The following PCNX2 variants were observed in gnomAD, a reference collection of about 807,000 sequenced individuals.
PCNX2 encodes pecanex-like protein 2.
Under a neutral mutation model 223.8 loss-of-function variants are expected in PCNX2, and 168 were observed. That is an observed-to-expected ratio of 0.75 (90% CI 0.66 to 0.85). The LOEUF (loss-of-function observed/expected upper bound fraction) is 0.85. PCNX2 is among the 40% of genes least tolerant of loss of function. PCNX2 has a pLI of 0.00. For synonymous variants in PCNX2, 1,006 were observed against 1,052.6 expected, an observed-to-expected ratio of 0.96 and a Z score of 0.86; for missense variants, 2,507 against 2,675.5, an observed-to-expected ratio of 0.94 and a Z score of 1.39.
chr1:233,185,755 T>A (rs1680061460), intron 15 of PCNX2, among the ~76,000 whole-genome samples: 1 of 152,232 alleles, frequency 6.6e-6, no homozygotes, highest in Non-Finnish European at 1.5e-5. Context: ...AAATGGTCTG[T>A]TGCCCACAGA....
intron 21 of PCNX2, among the ~76,000 whole-genome samples, chr1:233,106,964 T>C (rs1320179651): frequency 6.6e-6 from 1 of 152,130 alleles, no homozygotes; most frequent in Non-Finnish European, 1.5e-5. Flanking sequence ...ACTGAAGCTT[T>C]CTCTTGTAAA....
rs968147472 is a variant in PCNX2 at position 233,139,019 on chromosome 1, T to C, written c.3659+695A>G. 2.0e-5 allele frequency among the ~76,000 whole-genome samples: 3 copies of C among 152,244 alleles called. No homozygotes were observed. Among genetic ancestry groups the C allele is most frequent in the Non-Finnish European group, 4.4e-5 (3 of 68,048 alleles). Reference sequence around the variant, plus strand: ...CATAGTGTTTAAGCAACGTGACTAATGAGCAAATCTGGGAAAGAATCTCTT... The same window carrying C: ...CATAGTGTTTAAGCAACGTGACTAACGAGCAAATCTGGGAAAGAATCTCTT... On this transcript the variant is annotated intron_variant, in intron 20 of 33. Transcript: ENST00000258229. This position sits in a 1 kb window ranked among gnomAD's most constrained non-coding sequence, Gnocchi z 4.4.
chr1:233,092,395 A>G (rs930391002), intron 22 of PCNX2, among the ~76,000 whole-genome samples: 1 of 152,228 alleles, frequency 6.6e-6, no homozygotes, highest in African/African-American at 2.4e-5. Flanking sequence ...TTTTGATTCT[A>G]AAATTTCCCC....
chr1:233,112,723 T>TCATTA, intron 21 of PCNX2: 1 of 825,692 alleles, frequency 1.2e-6, no homozygotes, highest in South Asian at 2.1e-5. Context: ...ACAATATAAC[T>TCATTA]AAATTCACAT....
At chr1:232,985,863 C>G (rs1669454843) in intron 33 of PCNX2, 1 of 616,998 alleles carries the variant, frequency 1.6e-6, no homozygotes, top group Non-Finnish European at 2.9e-6. Context: ...TCAGTGCCTG[C>G]CTGGGCATTA....
chr1:233,161,369 A>G lies in PCNX2; in HGVS notation c.3274-6T>C, dbSNP rs770566343. 4.2e-5 allele frequency: 67 copies of G among 1,613,124 alleles called. No homozygotes were observed. The highest frequency in any genetic ancestry group is 8.5e-6 in the Non-Finnish European group (10 of 1,179,450). On this transcript the variant is annotated splice_region_variant and splice_polypyrimidine_tract_variant and intron_variant, in intron 17 of 33. Transcript: ENST00000258229. Reference sequence around the variant, plus strand: ...TCCCATTTTAAGACATCCGTCTGGAAAGAGAAAACCAGCGGTAAAGGCGAC... The same window carrying G: ...TCCCATTTTAAGACATCCGTCTGGAGAGAGAAAACCAGCGGTAAAGGCGAC...
At chr1:233,255,402 C>T (rs1659681169) in intron 5 of PCNX2, among the ~76,000 whole-genome samples, 1 of 152,188 alleles carries the variant, frequency 6.6e-6, no homozygotes, top group African/African-American at 2.4e-5. Flanking sequence ...AAAGCTTTCT[C>T]ATTCAAGTTG....
In PCNX2 at chr1:233,031,288, C is replaced by T. The variant is rs372776767; in HGVS notation, c.4352-5889G>A. Among the ~76,000 whole-genome samples the T allele has an allele frequency of 1.5e-4, 23 of 152,298 alleles. No homozygotes were observed. In the South Asian group the frequency reaches 3.9e-3, roughly 26 times the overall value. On this transcript the variant is annotated intron_variant, in intron 25 of 33. Transcript: ENST00000258229. ...TTGGAGCCTTAATTAAAACACAAAA[C>T]ATTTCGCTTCACCCACTCCCACCCC...
At chr1:233,261,205 C>T in intron 4 of PCNX2, 80 bp downstream of exon 4, 2 of 1,284,902 alleles carry the variant, frequency 1.6e-6, no homozygotes, top group Non-Finnish European at 2.3e-6. Context: ...AATTAATCCA[C>T]TGGCATTCTG....
chr1:233,197,318 G>A (rs1444654631), intron 15 of PCNX2, among the ~76,000 whole-genome samples: 1 of 152,056 alleles, frequency 6.6e-6, no homozygotes, highest in African/African-American at 2.4e-5. Flanking sequence ...ATATACTAAG[G>A]TGCCTGCAGA....
At chr1:233,038,058 G>C (rs1027868797) in intron 25 of PCNX2, among the ~76,000 whole-genome samples, 2 of 152,146 alleles carry the variant, frequency 1.3e-5, no homozygotes, top group South Asian at 2.1e-4. Flanking sequence ...GGAAGGGTCT[G>C]GTCTTTTGAA....
At chr1:233,118,027 T>G (rs67820234) in intron 21 of PCNX2, among the ~76,000 whole-genome samples, 22,007 of 148,546 alleles carry the variant, frequency 0.15, 1,820 homozygotes, top group East Asian at 0.25. Flanking sequence ...AAAAAAAGAA[T>G]AATTATAGAC....
Position 233,108,048 on chromosome 1 carries a change from C to CT in PCNX2, c.3838-12186_3838-12185insA, listed in dbSNP as rs377081578. Among the ~76,000 whole-genome samples, 344 of 152,314 alleles carry CT rather than the reference C, an allele frequency of 2.3e-3. 1 individual carries two copies. The highest frequency in any genetic ancestry group is 7.9e-3 in the African/African-American group (327 of 41,572). ...ATGCCATGGCAACGTCAGGAAGTTACCCTATATGGTCTAAAAAGGGGAGAC... is the reference window on the plus strand; with the variant it reads ...ATGCCATGGCAACGTCAGGAAGTTACTCCTATATGGTCTAAAAAGGGGAGAC... On this transcript the variant is annotated intron_variant, in intron 21 of 33. Transcript: ENST00000258229.
At position 233,237,217 on chromosome 1, in the gene PCNX2, T is replaced by C. The variant is rs924873340; in HGVS notation, c.2223-237A>G. Among the ~76,000 whole-genome samples the C allele has an allele frequency of 3.3e-5, 5 of 152,184 alleles. 1 individual carries two copies. The highest frequency in any genetic ancestry group is 3.8e-4 in the East Asian group (2 of 5,198). Reference sequence around the variant, plus strand: ...GGCTACCCAGGGTTGCAGTGTGTCATAGGGCAGGTAGGTAGATGCCTGGTG... The same window carrying C: ...GGCTACCCAGGGTTGCAGTGTGTCACAGGGCAGGTAGGTAGATGCCTGGTG... On this transcript the variant is annotated intron_variant, in intron 8 of 33. Coordinates refer to ENST00000258229, the MANE Select transcript of PCNX2 (RefSeq NM_014801.4).
At chr1:233,048,454 T>A (rs1396159607) in intron 25 of PCNX2, among the ~76,000 whole-genome samples, 1 of 152,216 alleles carries the variant, frequency 6.6e-6, no homozygotes, top group Non-Finnish European at 1.5e-5. Flanking sequence ...AGACTCTGTC[T>A]TATAAACAAA....
chr1:233,097,533 T>C (rs72763914), intron 21 of PCNX2, among the ~76,000 whole-genome samples: 3,909 of 152,264 alleles, frequency 0.026, 74 homozygotes, highest in Non-Finnish European at 0.044. Context: ...GTTTCCAAGA[T>C]CTTTCAGAAA....
At chr1:233,138,079 G>A (rs1676911607) in intron 20 of PCNX2, among the ~76,000 whole-genome samples, 3 of 152,026 alleles carry the variant, frequency 2.0e-5, no homozygotes, top group African/African-American at 4.8e-5. Context: ...CTGAAACCTC[G>A]AAAAATGTTT....
At chr1:233,208,148 G>T (rs547940237) in intron 13 of PCNX2, among the ~76,000 whole-genome samples, 1 of 152,022 alleles carries the variant, frequency 6.6e-6, no homozygotes, top group Admixed American at 6.6e-5. Context: ...TAGTAGAGAC[G>T]GGGTTTCACC....
At chr1:233,306,508 TAATC>T in the PCNX2 span, among the ~76,000 whole-genome samples, 6 of 152,308 alleles carry the variant, frequency 3.9e-5, no homozygotes, top group East Asian at 1.9e-4. Flanking sequence ...GCTTATTACT[TAATC>T]AATCTATCTG....
Sources: allele counts gnomAD v4.1 joint callset (sites outside exome capture counted in the v4.1 genomes callset), GRCh38; gene constraint gnomAD v4.1.1; non-coding constraint Gnocchi (gnomAD v3.1); transcripts MANE v1.5; gene names NCBI Gene and HGNC (gene_info 2026-07-23, HGNC 2026-07-21).